The following ABCB5 variants were observed in gnomAD, a reference collection of about 807,000 sequenced individuals.
ABCB5 encodes the protein ATP-binding cassette sub-family B member 5.
ABCB5 carries 155 observed loss-of-function variants against 144.2 expected under a neutral mutation model. The observed-to-expected ratio is 1.08, with a 90% confidence interval of 0.94 to 1.23. The LOEUF (loss-of-function observed/expected upper bound fraction) is 1.23. ABCB5 is among the 50% of genes most tolerant of loss of function. The pLI is 0.00. For synonymous variants in ABCB5, 610 were observed against 528.6 expected (o/e 1.15, Z -2.11); for missense variants, 1,830 against 1,520.8 (o/e 1.20, Z -3.38).
intron 23 of ABCB5, among the ~76,000 whole-genome samples, chr7:20,738,099 C>T (rs761611084): frequency 2.0e-5 from 3 of 152,154 alleles, no homozygotes; most frequent in Non-Finnish European, 4.4e-5. Flanking sequence ...TGTTATCCAG[C>T]ACTGCAAACA....
intron 11 of ABCB5, among the ~76,000 whole-genome samples, chr7:20,649,753 T>A (rs1238805359): frequency 3.3e-5 from 5 of 152,240 alleles, no homozygotes. Flanking sequence ...ATATTTTAGT[T>A]GAAAATGTGA....
In ABCB5 at chr7:20,745,298, C is replaced by T; in HGVS notation, c.3289C>T (p.Pro1097Ser). ...QWLRSQIAIV[P>S]QEPVLFNCSI... ...GCTCCGTTCCCAAATAGCAATCGTT[C>T]CTCAAGAGCCTGTGCTCTTCAACTG... The change falls in exon 26 of 28, where the codon CCT becomes TCT. Residue 1097 changes from proline (P) to serine (S), a missense_variant. Coordinates refer to ENST00000404938, the MANE Select transcript of ABCB5 (RefSeq NM_001163941.2). 6.2e-7 allele frequency: 1 copy of T among 1,614,084 alleles called. No homozygotes were observed. The highest frequency in any genetic ancestry group is 8.5e-7 in the Non-Finnish European group (1 of 1,179,956).
chr7:20,660,352 T>C, intron 14 of ABCB5: 1 of 985,530 alleles, frequency 1.0e-6, no homozygotes, highest in Non-Finnish European at 1.2e-6. Context: ...TCCCTGTTTT[T>C]CAGTTGTTTA....
rs1000763030 is a variant in ABCB5, at chr7:20,685,823, C to T, written c.1997C>T (p.Thr666Ile). The change falls in exon 16 of 28, where the codon ACC (threonine) becomes ATC (isoleucine). Residue 666 changes from threonine (T) to isoleucine (I), a missense_variant. By Grantham distance (89) the Thr-to-Ile change is moderately conservative. Transcript: ENST00000404938. The stretch of plus-strand genomic sequence containing the variant: ...TTCATTGACAAGGCTGAGGAATCCA[C>T]CCAATCTAAAGAGGTAATGGCTCAG... ...SDFIDKAEES[T>I]QSKEISLPEV... 1 of 1,609,442 alleles carries T rather than the reference C, an allele frequency of 6.2e-7. No homozygotes were observed. The highest frequency in any genetic ancestry group is 1.3e-5 in the African/African-American group (1 of 74,740).
intron 19 of ABCB5, among the ~76,000 whole-genome samples, chr7:20,703,019 C>T (rs1269453096): frequency 6.6e-6 from 1 of 152,092 alleles, no homozygotes; most frequent in Non-Finnish European, 1.5e-5. Flanking sequence ...CAATTTCAGA[C>T]ATCTTGCCAA....
chr7:20,634,789 T>C (rs896221581), intron 5 of ABCB5, among the ~76,000 whole-genome samples: 1 of 152,138 alleles, frequency 6.6e-6, no homozygotes, highest in Non-Finnish European at 1.5e-5. Flanking sequence ...TTGGGTTCCT[T>C]GTAGATTCTA....
intron 1 of ABCB5, among the ~76,000 whole-genome samples, chr7:20,616,256 G>A (rs967446845): frequency 1.3e-5 from 2 of 152,074 alleles, no homozygotes; most frequent in Non-Finnish European, 2.9e-5. Context: ...GGCTGGTCTC[G>A]AACTCCTGAC....
At chr7:20,709,060 C>A (rs1202982584) in intron 20 of ABCB5, among the ~76,000 whole-genome samples, 2 of 152,198 alleles carry the variant, frequency 1.3e-5, no homozygotes, top group Non-Finnish European at 2.9e-5. Context: ...AAAAACTACT[C>A]AAAATAATCT....
chr7:20,686,470 C>T lies in ABCB5; in HGVS notation c.2010+634C>T, dbSNP rs1360545521. ...CAATTCCACTTTCCTTCTCTTAACA[C>T]GCCCGACACCTGCTTTGAGCCTCCA... On this transcript the variant is annotated intron_variant, in intron 16 of 27. Coordinates refer to ENST00000404938, the MANE Select transcript of ABCB5 (RefSeq NM_001163941.2). 3.9e-5 allele frequency among the ~76,000 whole-genome samples: 6 copies of T among 152,148 alleles called. No individual in the cohort carries two copies. In the East Asian group the frequency reaches 5.8e-4, roughly 15 times the overall value.
rs145913881 is a variant in ABCB5 at position 20,637,685 on chromosome 7, G to T, written c.315-5499G>T. Reference sequence around the variant, plus strand: ...GCTGCCCACCTCGGACTCCCAAAGTGCTAGGATTATAGGCGTGAGCTGCCA... The same window carrying T: ...GCTGCCCACCTCGGACTCCCAAAGTTCTAGGATTATAGGCGTGAGCTGCCA... On this transcript the variant is annotated intron_variant, in intron 5 of 27. Coordinates refer to ENST00000404938, the MANE Select transcript of ABCB5 (RefSeq NM_001163941.2). Among the ~76,000 whole-genome samples the T allele has an allele frequency of 1.7e-4, 26 of 152,226 alleles. No individual in the cohort carries two copies. The East Asian group carries it at 3.7e-3, about 21-fold the overall frequency.
At chr7:20,665,343 G>A (rs564810105) in intron 14 of ABCB5, among the ~76,000 whole-genome samples, 3 of 152,230 alleles carry the variant, frequency 2.0e-5, no homozygotes, top group South Asian at 2.1e-4. Context: ...GACCAGTGAC[G>A]TGGTCTGACA....
intron 14 of ABCB5, among the ~76,000 whole-genome samples, chr7:20,664,894 A>G (rs1785122909): frequency 6.6e-6 from 1 of 152,212 alleles, no homozygotes; most frequent in South Asian, 2.1e-4. Flanking sequence ...GCTCAATACC[A>G]GCTGGGCAAC....
intron 13 of ABCB5, among the ~76,000 whole-genome samples, chr7:20,651,947 C>T (rs933768233): frequency 6.6e-6 from 1 of 152,064 alleles, no homozygotes; most frequent in Non-Finnish European, 1.5e-5. Context: ...AAATTGGACA[C>T]TCCTGTATGA....
At chr7:20,733,287 T>A (rs2128052886) in intron 23 of ABCB5, among the ~76,000 whole-genome samples, 1 of 152,270 alleles carries the variant, frequency 6.6e-6, no homozygotes, top group East Asian at 1.9e-4. Flanking sequence ...TTTCAAACAT[T>A]CGAGTATTCA....
intron 20 of ABCB5, among the ~76,000 whole-genome samples, chr7:20,716,618 A>T (rs1485502285): frequency 2.0e-5 from 3 of 152,214 alleles, no homozygotes; most frequent in Non-Finnish European, 4.4e-5. Flanking sequence ...ATGCATTAAT[A>T]AACATTAAAG....
intron 15 of ABCB5, among the ~76,000 whole-genome samples, chr7:20,683,321 A>G (rs973436222): frequency 5.9e-5 from 9 of 152,172 alleles, no homozygotes; most frequent in Non-Finnish European, 2.9e-5. Flanking sequence ...TTTGTGTCTC[A>G]AAAATAAAAG....
At chr7:20,700,272 T>C in intron 19 of ABCB5, 137 bp downstream of exon 19, 1 of 729,738 alleles carries the variant, frequency 1.4e-6, no homozygotes. Context: ...GCAGCAAAAA[T>C]CTGATGTCAG....
At chr7:20,683,483 G>A (rs1226289980) in intron 15 of ABCB5, among the ~76,000 whole-genome samples, 2 of 152,064 alleles carry the variant, frequency 1.3e-5, no homozygotes, top group Non-Finnish European at 2.9e-5. Flanking sequence ...ATTAATACTA[G>A]TATAGTCAGA....
chr7:20,644,073 T>C (rs1784352527), intron 7 of ABCB5, among the ~76,000 whole-genome samples: 1 of 150,352 alleles, frequency 6.7e-6, no homozygotes, highest in Non-Finnish European at 1.5e-5. Context: ...TCTTAAAGTT[T>C]ATGTATATAT....
Sources: gnomAD v4.1 joint callset for allele counts (sites outside exome capture counted in the v4.1 genomes callset) on GRCh38, gnomAD v4.1.1 for gene constraint, MANE v1.5 for transcripts, NCBI Gene and HGNC (gene_info 2026-07-23, HGNC 2026-07-21) for gene names.